Variants in DLC1 observed in about 807,000 individuals in gnomAD.
DLC1 encodes the protein DLC1 Rho GTPase activating protein.
In DLC1, 54 loss-of-function variants were observed where a neutral mutation model predicts 140.3. The observed-to-expected ratio is 0.38, with a 90% CI of 0.31 to 0.48. The LOEUF (loss-of-function observed/expected upper bound fraction) is 0.48, where lower values mean the gene tolerates loss of function less well. Among genes scored for constraint, DLC1 ranks in the 20% least tolerant of loss-of-function variants. The probability of loss-of-function intolerance (pLI) is 0.96; values close to 1 mark genes in which losing one functional copy is unlikely to be tolerated. For missense variants in DLC1, 2,536 were observed against 1,907.0 expected (o/e 1.33, Z -6.14); for synonymous variants, 986 against 728.1 (o/e 1.35, Z -5.70).
chr8:13,591,309 A>T (rs1343040519), intron 1 of DLC1, among the ~76,000 whole-genome samples: 1 of 152,188 alleles, frequency 6.6e-6, no homozygotes, highest in Middle Eastern at 3.4e-3. Flanking sequence ...ATATCATGGG[A>T]GGGACGCAGT....
At chr8:13,111,700 G>T (rs74930165) in intron 6 of DLC1, among the ~76,000 whole-genome samples, 2 of 152,082 alleles carry the variant, frequency 1.3e-5, no homozygotes, top group South Asian at 4.2e-4. Context: ...CCCTCTTGGA[G>T]TCCCAACTAT....
At chr8:13,154,341 T>C (rs1429608834) in intron 5 of DLC1, among the ~76,000 whole-genome samples, 1 of 152,190 alleles carries the variant, frequency 6.6e-6, no homozygotes, top group Non-Finnish European at 1.5e-5. Context: ...AGCCCTGCCC[T>C]GCTGGGAGGT....
chr8:13,334,516 A>T (rs1833739851), intron 4 of DLC1, among the ~76,000 whole-genome samples: 1 of 152,310 alleles, frequency 6.6e-6, no homozygotes, highest in South Asian at 2.1e-4. Flanking sequence ...AGAAGGCAGG[A>T]GACCAGCTAG....
At chr8:13,218,354 C>G in intron 5 of DLC1, among the ~76,000 whole-genome samples, 1 of 152,044 alleles carries the variant, frequency 6.6e-6, no homozygotes, top group East Asian at 1.9e-4. Context: ...GATATGACAC[C>G]AAAAGCATGA....
At chr8:13,573,843 A>G (rs924122227) in intron 1 of DLC1, among the ~76,000 whole-genome samples, 1 of 152,182 alleles carries the variant, frequency 6.6e-6, no homozygotes, top group African/African-American at 2.4e-5. Flanking sequence ...AAATTTACAT[A>G]TGACGTTAAT....
intron 1 of DLC1, among the ~76,000 whole-genome samples, chr8:13,587,118 G>A (rs1330451765): frequency 2.2e-5 from 3 of 134,328 alleles, no homozygotes; most frequent in Non-Finnish European, 4.8e-5. Context: ...TCATGCATGC[G>A]CCTATCCACA....
chr8:13,414,706 A>G (rs1837962865), intron 2 of DLC1, among the ~76,000 whole-genome samples: 1 of 152,250 alleles, frequency 6.6e-6, no homozygotes, highest in South Asian at 2.1e-4. Flanking sequence ...AAGATTTTGC[A>G]GATGTGAGTT....
intron 4 of DLC1, among the ~76,000 whole-genome samples, chr8:13,358,529 C>T (rs1336326881): frequency 6.6e-6 from 1 of 152,058 alleles, no homozygotes; most frequent in African/African-American, 2.4e-5. Context: ...TTCTAGTCTA[C>T]AGTAGGGGAA....
chr8:13,242,689 G>A (rs983253598), intron 5 of DLC1, among the ~76,000 whole-genome samples: 25 of 152,132 alleles, frequency 1.6e-4, no homozygotes, highest in African/African-American at 5.1e-4. Context: ...CATTGTGCCT[G>A]GTCTCCTCAA....
intron 5 of DLC1, among the ~76,000 whole-genome samples, chr8:13,244,330 C>G (rs551831789): frequency 2.0e-5 from 3 of 148,554 alleles, no homozygotes; most frequent in Non-Finnish European, 4.4e-5. Flanking sequence ...CAGGATCTCA[C>G]TCTGTTGTTC....
intron 14 of DLC1, 67 bp from the exon 15 acceptor site, chr8:13,090,537 G>A (rs1400725501): frequency 1.3e-6 from 2 of 1,558,688 alleles, no homozygotes; most frequent in Non-Finnish European, 1.7e-6. Flanking sequence ...GCCCATCAGT[G>A]GAAAAGACTG....
chr8:13,216,023 G>C (rs149201920), intron 5 of DLC1, among the ~76,000 whole-genome samples: 284 of 152,104 alleles, frequency 1.9e-3, no homozygotes, highest in African/African-American at 6.1e-3. Context: ...CCATTCTCTC[G>C]CAGTTCCCAT....
At position 13,123,545 on chromosome 8, in the gene DLC1, A is replaced by C. The variant is rs1585697279; in HGVS notation, c.1349-7888T>G. On this transcript the variant is annotated intron_variant, in intron 5 of 17. Transcript: ENST00000276297. ...TTTTTTTAAGTAAACACATGGTTTC[A>C]CCGTGGTGGTCAGGCTGGTTTCGAA... is the stretch of plus-strand genomic sequence containing the variant. Among the ~76,000 whole-genome samples, 5 of 144,376 alleles carry C rather than the reference A, an allele frequency of 3.5e-5. No individual in the cohort carries two copies. In the South Asian group the frequency reaches 8.7e-4, roughly 25 times the overall value. 94.7% of individuals were successfully genotyped at this position (144,376 alleles called of 152,430 possible). A position where few individuals can be genotyped will look rare whatever the true frequency, so the allele number is the denominator to read the frequency against.
intron 1 of DLC1, among the ~76,000 whole-genome samples, chr8:13,579,920 G>C (rs560888107): frequency 6.6e-6 from 1 of 151,768 alleles, no homozygotes; most frequent in Non-Finnish European, 1.5e-5. Flanking sequence ...GTGCCTGGTT[G>C]AGACAAACAA....
chr8:13,553,590 A>C (rs1239795612), intron 1 of DLC1, among the ~76,000 whole-genome samples: 2 of 152,034 alleles, frequency 1.3e-5, no homozygotes, highest in South Asian at 4.1e-4. Context: ...GGGCTCTGAC[A>C]GTCCTCTCAC....
At chr8:13,187,017 A>G (rs185939585) in intron 5 of DLC1, among the ~76,000 whole-genome samples, 1 of 152,200 alleles carries the variant, frequency 6.6e-6, no homozygotes, top group East Asian at 1.9e-4. Context: ...AACAGCAAAT[A>G]TTGCTTCCTG....
At chr8:13,539,105 G>C (rs888845242) in intron 1 of DLC1, among the ~76,000 whole-genome samples, 3 of 151,706 alleles carry the variant, frequency 2.0e-5, no homozygotes, top group Non-Finnish European at 4.4e-5. Flanking sequence ...ATCACATTTG[G>C]TCATAATCAC....
intron 3 of DLC1, 97 bp from the exon 4 acceptor site, chr8:13,393,790 A>G: frequency 1.4e-6 from 2 of 1,398,104 alleles, no homozygotes; most frequent in African/African-American, 1.4e-5. Context: ...TCTTTCTCCC[A>G]GTGCACACTG....
chr8:13,552,428 A>T (rs551188230), intron 1 of DLC1, among the ~76,000 whole-genome samples: 1 of 150,898 alleles, frequency 6.6e-6, no homozygotes, highest in East Asian at 2.0e-4. Flanking sequence ...TTCAGATTCA[A>T]TATTTTGATG....
Sources: allele counts gnomAD v4.1 joint callset (sites outside exome capture counted in the v4.1 genomes callset), GRCh38; gene constraint gnomAD v4.1.1; transcripts MANE v1.5; gene names NCBI Gene and HGNC (gene_info 2026-07-23, HGNC 2026-07-21).